The following AUNIP variants were observed in gnomAD, a reference collection of about 807,000 sequenced individuals.
AUNIP encodes the protein aurora kinase A and ninein interacting protein.
A neutral mutation model predicts 12.2 loss-of-function variants in AUNIP; 16 were observed. The observed-to-expected ratio is 1.31, with a 90% CI of 0.88 to 1.99. AUNIP has a LOEUF of 1.99. Ranked by LOEUF, AUNIP falls within the 30% of genes most tolerant of loss-of-function variation. AUNIP has a pLI of 0.00. For missense variants in AUNIP, 411 were observed against 419.1 expected, an observed-to-expected ratio of 0.98 and a Z score of 0.17; for synonymous variants, 142 against 154.8, an observed-to-expected ratio of 0.92 and a Z score of 0.61.
In AUNIP at chr1:25,834,710, A is replaced by ACAG; in HGVS notation, c.*282_*283insCTG. 8.3e-7 allele frequency: 1 copy of ACAG among 1,206,172 alleles called. No homozygotes were observed. 74.7% of individuals were successfully genotyped at this position (1,206,172 alleles called of 1,614,324 possible). ...GCTCTGTGCAGGCTGAGTAAAAGGC[A>ACAG]CTTTCATAGAGATAAATACCCACTG... On this transcript the variant is annotated 3_prime_UTR_variant, in exon 3 of 3. Transcript: ENST00000374298.
chr1:25,835,666 G>GGA lies in AUNIP; in HGVS notation c.399_400dup (p.Pro134LeufsTer13). 2 of 1,614,214 alleles carry GGA rather than the reference G, an allele frequency of 1.2e-6. No homozygotes were observed. Among genetic ancestry groups the GGA allele is most frequent in the Non-Finnish European group, 1.7e-6 (2 of 1,180,032 alleles). On this transcript the variant is annotated frameshift_variant, in exon 3 of 3. Transcript: ENST00000374298. LOFTEE classifies it low-confidence loss of function (END_TRUNC). ...GTGGCCAGAAGTCTGGAGGGACTGA[G>GGA]GAGAGAGTCCAGCTTCCTGGATGTC... is the stretch of plus-strand genomic sequence containing the variant.
At chr1:25,851,132 T>C (rs2048421512) in intron 1 of AUNIP, among the ~76,000 whole-genome samples, 1 of 152,218 alleles carries the variant, frequency 6.6e-6, no homozygotes, top group African/African-American at 2.4e-5. Flanking sequence ...TTGACATGAT[T>C]ATGTGGTTTT....
rs1226662322 is a variant in AUNIP, at chr1:25,834,529, A to G, written c.*464T>C. The G allele has an allele frequency of 3.8e-6, 3 of 785,008 alleles. No individual in the cohort carries two copies. The highest frequency in any genetic ancestry group is 4.6e-6 in the Non-Finnish European group (3 of 647,054). 48.6% of individuals were successfully genotyped at this position (785,008 alleles called of 1,614,324 possible). A position where few individuals can be genotyped will look rare whatever the true frequency, so the allele number is the denominator to read the frequency against. ...CTATTCGGGAGGCTGAGGCAGGAGA[A>G]TCGCTTGAATCCGGGAGACAGAGGG... On this transcript the variant is annotated 3_prime_UTR_variant, in exon 3 of 3. Transcript: ENST00000374298.
chr1:25,837,288 C>T, intron 2 of AUNIP, 125 bp downstream of exon 2: 1 of 1,200,076 alleles, frequency 8.3e-7, no homozygotes, highest in South Asian at 1.8e-5. Flanking sequence ...ATAACCTCTT[C>T]TAACAGGCTA....
intron 2 of AUNIP, 143 bp from the exon 3 acceptor site, chr1:25,835,989 A>T: frequency 7.8e-7 from 1 of 1,285,512 alleles, no homozygotes; most frequent in Non-Finnish European, 1.0e-6. Context: ...CTTTGTAGCC[A>T]ATCTTCCTGT....
Position 25,837,520 on chromosome 1 carries a change from G to A in AUNIP, c.113C>T (p.Thr38Ile). The A allele has an allele frequency of 1.2e-6, 2 of 1,613,718 alleles. No homozygotes were observed. The highest frequency in any genetic ancestry group is 1.7e-6 in the Non-Finnish European group (2 of 1,179,678). The change falls in exon 2 of 3, where the codon ACA becomes ATA. Residue 38 changes from threonine (T) to isoleucine (I), a missense_variant. Transcript: ENST00000374298. ...AGCCTTTCTTTCTCCAGGAAGGAGT[G>A]TTAGCATTTTGGTGCCTGGTTTGAT... ...HLIKPGTKML[T>I]LLPGERKANI...
chr1:25,832,294 A>T (rs1034250038), downstream of AUNIP: 15 of 1,016,630 alleles, frequency 1.5e-5, no homozygotes, highest in Non-Finnish European at 2.0e-5. Flanking sequence ...GGTAAGAGAG[A>T]AGTTGTTTCT....
downstream of AUNIP, chr1:25,833,071 CT>C (rs1004966640): frequency 6.6e-6 from 1 of 152,218 alleles, no homozygotes; most frequent in African/African-American, 2.4e-5. Flanking sequence ...AGGTCCTGCC[CT>C]TCTAGGGGGT....
intron 1 of AUNIP, among the ~76,000 whole-genome samples, chr1:25,842,856 TC>T (rs1380676560): frequency 1.3e-5 from 2 of 152,188 alleles, no homozygotes; most frequent in African/African-American, 4.8e-5. Flanking sequence ...CTCTTGACTT[TC>T]TACTGCTTAG....
At chr1:25,839,900 C>T (rs1339367156) in intron 1 of AUNIP, among the ~76,000 whole-genome samples, 1 of 152,190 alleles carries the variant, frequency 6.6e-6, no homozygotes, top group Non-Finnish European at 1.5e-5. Context: ...CTCCTGACCT[C>T]AGGTGATCTG....
intron 1 of AUNIP, among the ~76,000 whole-genome samples, chr1:25,849,587 T>C (rs2048412100): frequency 6.6e-6 from 1 of 152,210 alleles, no homozygotes; most frequent in Non-Finnish European, 1.5e-5. Flanking sequence ...CTTCACTCTT[T>C]TTTATTGCCA....
intron 1 of AUNIP, among the ~76,000 whole-genome samples, chr1:25,842,256 A>G (rs1278951713): frequency 6.6e-6 from 1 of 152,258 alleles, no homozygotes; most frequent in Non-Finnish European, 1.5e-5. Context: ...ATATGAAGAA[A>G]GTTTGAGTGG....
intron 1 of AUNIP, among the ~76,000 whole-genome samples, chr1:25,843,202 A>ATT (rs1557452423): frequency 2.7e-5 from 4 of 148,470 alleles, no homozygotes; most frequent in African/African-American, 9.9e-5. Context: ...ATATATATAT[A>ATT]TTTTACTGCT....
At chr1:25,851,463 T>C (rs557197465) in intron 1 of AUNIP, among the ~76,000 whole-genome samples, 3 of 152,322 alleles carry the variant, frequency 2.0e-5, no homozygotes, top group South Asian at 2.1e-4. Context: ...CTTTAAATGT[T>C]TGGTAGAATT....
At chr1:25,853,380 TGAGGTCAG>T (rs1439342958) in intron 1 of AUNIP, among the ~76,000 whole-genome samples, 1 of 152,166 alleles carries the variant, frequency 6.6e-6, no homozygotes, top group Non-Finnish European at 1.5e-5. Context: ...GTGGATCACC[TGAGGTCAG>T]GAGTTTGAGA....
chr1:25,859,156 C>G, intron 1 of AUNIP, 124 bp downstream of exon 1: 2 of 1,035,080 alleles, frequency 1.9e-6, no homozygotes. Flanking sequence ...GAATCCCCAA[C>G]GCTGTTCCCT....
intron 1 of AUNIP, among the ~76,000 whole-genome samples, chr1:25,856,785 T>C (rs1309160771): frequency 6.6e-6 from 1 of 152,046 alleles, no homozygotes; most frequent in Non-Finnish European, 1.5e-5. Flanking sequence ...TCCTGAACTC[T>C]TCCTAATTCT....
chr1:25,843,207 A>G (rs2124503178), intron 1 of AUNIP, among the ~76,000 whole-genome samples: 1 of 130,836 alleles, frequency 7.6e-6, no homozygotes, highest in Admixed American at 7.4e-5. Context: ...TATATATTTT[A>G]CTGCTCATTG....
chr1:25,834,777 C>G lies in AUNIP; in HGVS notation c.*216G>C. On this transcript the variant is annotated 3_prime_UTR_variant, in exon 3 of 3. Transcript: ENST00000374298. ...ATCATAGACTCATTCAGGGAATTTA[C>G]CAGCCACCACCTTCCTGAGGGAAAG... is the stretch of plus-strand genomic sequence containing the variant. 7.1e-7 allele frequency: 1 copy of G among 1,403,436 alleles called. No homozygotes were observed. The allele number at this position is 1,403,436 out of a possible 1,614,324, so 86.9% of individuals were successfully genotyped here.
Sources: gnomAD v4.1 joint callset for allele counts (sites outside exome capture counted in the v4.1 genomes callset) on GRCh38, gnomAD v4.1.1 for gene constraint, MANE v1.5 for transcripts, NCBI Gene and HGNC (gene_info 2026-07-23, HGNC 2026-07-21) for gene names.